Variants in TDRKH observed in about 807,000 individuals in gnomAD.
TDRKH encodes tudor and KH domain containing, also known as tudor and KH domain-containing protein.
A neutral mutation model predicts 61.3 loss-of-function variants in TDRKH; 28 were observed. That is an observed-to-expected ratio of 0.46 (90% CI 0.34 to 0.63). The LOEUF (loss-of-function observed/expected upper bound fraction) is 0.63, where lower values mean the gene tolerates loss of function less well. Ranked by LOEUF, TDRKH falls within the 20% of genes least tolerant of loss-of-function variation. The pLI is 0.01. For synonymous variants in TDRKH, 219 were observed against 244.4 expected (o/e 0.90, Z 0.97); for missense variants, 540 against 683.4 (o/e 0.79, Z 2.34).
chr1:151,776,668 G>C, intron 6 of TDRKH, 69 bp from the exon 7 acceptor site: 4 of 1,545,402 alleles, frequency 2.6e-6, no homozygotes, highest in Non-Finnish European at 3.5e-6. Flanking sequence ...GACTAACCAG[G>C]GTAGTGAGAG....
At chr1:151,784,551 T>C (rs1650138278) in intron 1 of TDRKH, among the ~76,000 whole-genome samples, 1 of 151,014 alleles carries the variant, frequency 6.6e-6, no homozygotes, top group Non-Finnish European at 1.5e-5. Context: ...GCACAGCTGA[T>C]GATTCCCTCT....
In TDRKH at chr1:151,773,576, G is replaced by A. The variant is rs1648872264; in HGVS notation, c.*876C>T. 1 of 152,544 alleles carries A rather than the reference G, an allele frequency of 6.6e-6. No homozygotes were observed. The allele number at this position is 152,544 out of a possible 1,614,324, so 9.4% of individuals were successfully genotyped here. A position where few individuals can be genotyped will look rare whatever the true frequency, so the allele number is the denominator to read the frequency against. ...ATACTCTTCCTCTCTCTCCACGGGT[G>A]TATATGTGTGTATACATATAGATAT... is the stretch of plus-strand genomic sequence containing the variant. On this transcript the variant is annotated 3_prime_UTR_variant, in exon 13 of 13. Transcript: ENST00000368824.
At chr1:151,769,311 G>A (rs1241949288), downstream of TDRKH, 4 of 150,838 alleles carry the variant, frequency 2.7e-5, no homozygotes, top group East Asian at 3.9e-4. Context: ...CCTCCCAGAC[G>A]GGGCGGCTGA....
chr1:151,775,004 C>A (rs1649014632), intron 11 of TDRKH, 61 bp downstream of exon 11: 1 of 1,542,328 alleles, frequency 6.5e-7, no homozygotes, highest in Admixed American at 1.7e-5. Flanking sequence ...ACTAGAAGCC[C>A]TTAGTGTCTA....
chr1:151,780,338 A>T (rs1649632416), intron 3 of TDRKH, among the ~76,000 whole-genome samples, 198 bp from the exon 4 acceptor site: 6 of 148,006 alleles, frequency 4.1e-5, no homozygotes, highest in Admixed American at 3.4e-4. Context: ...ACTTTATGGA[A>T]GGAGATTAGT....
chr1:151,781,730 G>C (rs1383979717), intron 2 of TDRKH, 143 bp from the exon 3 acceptor site: 1 of 686,050 alleles, frequency 1.5e-6, no homozygotes, highest in Non-Finnish European at 2.4e-6. Context: ...ACAAGGAAAA[G>C]TGGCATCTGA....
chr1:151,784,103 T>C (rs181996468), intron 1 of TDRKH, among the ~76,000 whole-genome samples: 40 of 152,340 alleles, frequency 2.6e-4, no homozygotes, highest in Non-Finnish European at 4.7e-4. Context: ...AAGGAGAGCA[T>C]TCAGAGAAAA....
intron 2 of TDRKH, chr1:151,781,923 A>G (rs1649854016): frequency 2.2e-6 from 1 of 449,638 alleles, no homozygotes; most frequent in South Asian, 1.7e-5. Context: ...GGGGTCCATT[A>G]GGCTCAGAAC....
downstream of TDRKH, among the ~76,000 whole-genome samples, chr1:151,768,485 T>TC (rs1648452283): frequency 1.3e-5 from 2 of 152,194 alleles, no homozygotes; most frequent in Non-Finnish European, 2.9e-5. Context: ...TAGTCCTTTC[T>TC]CCCCAGACCC....
chr1:151,782,379 A>AGAGGTTGCAGTGAGCC (rs1352129595), intron 2 of TDRKH, among the ~76,000 whole-genome samples: 1 of 152,090 alleles, frequency 6.6e-6, no homozygotes, highest in Non-Finnish European at 1.5e-5. Context: ...CTCGGGAGGC[A>AGAGGTTGCAGTGAGCC]GAGGTTGCAG....
At chr1:151,768,819 C>T (rs933448736), downstream of TDRKH, among the ~76,000 whole-genome samples, 18 of 152,218 alleles carry the variant, frequency 1.2e-4, no homozygotes, top group Non-Finnish European at 2.2e-4. Flanking sequence ...TGCGGCCTTC[C>T]GCAGTGTTTG....
downstream of TDRKH, among the ~76,000 whole-genome samples, chr1:151,772,964 A>G (rs150960846): frequency 6.7e-4 from 102 of 152,318 alleles, no homozygotes; most frequent in African/African-American, 2.4e-3. Flanking sequence ...CCCAGGTTCA[A>G]GTGATTCTTG....
intron 11 of TDRKH, 42 bp downstream of exon 11, chr1:151,775,023 A>G (rs1269953420): frequency 6.3e-7 from 1 of 1,594,754 alleles, no homozygotes; most frequent in African/African-American, 1.3e-5. Flanking sequence ...TATGTGCTAG[A>G]TTTGCCTGGA....
chr1:151,775,422 C>A lies in TDRKH; in HGVS notation c.1404G>T (p.Lys468Asn). The change falls in exon 10 of 13, where the codon AAG (lysine) becomes AAT (asparagine). Residue 468 changes from lysine to asparagine, a missense_variant. Around this residue, in one of 3 missense-constraint regions of TDRKH, gnomAD observed 379 missense variants for 443.8 expected, o/e 0.85. Coordinates refer to ENST00000368824, the MANE Select transcript of TDRKH (RefSeq NM_001083965.2). The stretch of plus-strand genomic sequence containing the variant: ...CATTGCTAGTATCATATAAGTAGAT[C>A]TTTGGCCAAGTTGAGATCCCAGTCT... ...YVQTGISTWP[K>N]IYLYDTSNGK... The A allele has an allele frequency of 6.2e-7, 1 of 1,613,748 alleles. No homozygotes were observed. Among genetic ancestry groups the A allele is most frequent in the Non-Finnish European group, 8.5e-7 (1 of 1,179,894 alleles).
At chr1:151,779,799 G>T in intron 4 of TDRKH, 152 bp downstream of exon 4, 2 of 734,094 alleles carry the variant, frequency 2.7e-6, no homozygotes, top group Non-Finnish European at 4.3e-6. Flanking sequence ...TTTACCACCA[G>T]TTCTACAAAC....
chr1:151,790,108 C>G (rs141407714), intron 1 of TDRKH, among the ~76,000 whole-genome samples: 1 of 152,334 alleles, frequency 6.6e-6, no homozygotes, highest in East Asian at 1.9e-4. Flanking sequence ...AGAGTCTGAA[C>G]TGACTCAGGG....
rs1649813773 is a variant in TDRKH at position 151,781,500 on chromosome 1, T to C, written c.212A>G (p.Gln71Arg). 6.2e-7 allele frequency: 1 copy of C among 1,613,606 alleles called. No homozygotes were observed. The highest frequency in any genetic ancestry group is 8.5e-7 in the Non-Finnish European group (1 of 1,179,860). ...QEAVKLIIGRQGANIKQLRKQ... is the reference protein window; with the variant it reads ...QEAVKLIIGRRGANIKQLRKQ... Reference sequence around the variant, plus strand: ...ACTTACCTGTTTAATATTGGCTCCTTGCCGGCCAATGATGAGTTTCACAGC... The same window carrying C: ...ACTTACCTGTTTAATATTGGCTCCTCGCCGGCCAATGATGAGTTTCACAGC... Residue 71 changes from glutamine to arginine, a missense_variant, in exon 3 of 13, where the codon CAA becomes CGA. By Grantham distance (43) the Gln-to-Arg change is conservative. Transcript: ENST00000368824.
chr1:151,775,710 C>T (rs993660320), intron 9 of TDRKH, 110 bp downstream of exon 9: 3 of 1,499,010 alleles, frequency 2.0e-6, no homozygotes, highest in African/African-American at 1.4e-5. Context: ...GGAAAAGGCA[C>T]CTGAGTCCCC....
At chr1:151,766,546 C>G (rs183894908), downstream of TDRKH, 70 of 642,532 alleles carry the variant, frequency 1.1e-4, no homozygotes, top group Admixed American at 1.5e-3. Flanking sequence ...CGAATATGAG[C>G]CTTGGATAAG....
Sources: gnomAD v4.1 joint callset for allele counts (sites outside exome capture counted in the v4.1 genomes callset) on GRCh38, gnomAD v4.1.1 for gene constraint, gnomAD v4.1.1 regional missense constraint, MANE v1.5 for transcripts, NCBI Gene and HGNC (gene_info 2026-07-23, HGNC 2026-07-21) for gene names.